ESR2: variants seen among roughly 807,000 people sequenced by gnomAD.
ESR2 encodes the protein estrogen receptor beta.
In ESR2, 36 loss-of-function variants were observed where a neutral mutation model predicts 49.6. The observed-to-expected ratio is 0.73, with a 90% CI of 0.56 to 0.96. The LOEUF (loss-of-function observed/expected upper bound fraction) is 0.96, where lower values mean the gene tolerates loss of function less well. Ranked by LOEUF, ESR2 falls within the 40% of genes least tolerant of loss-of-function variation. ESR2 has a pLI of 0.00. For synonymous variants in ESR2, 320 were observed against 266.1 expected (o/e 1.20, Z -1.97); for missense variants, 714 against 693.0 (o/e 1.03, Z -0.34).
At position 64,268,930 on chromosome 14, in the gene ESR2, G is replaced by GA. The variant is rs747958007; in HGVS notation, c.536-20dup. ...TTATGTCCTATAGCAGAGTGGGAGG[G>GA]AAAAAAAGATTATTGCTATGATCTC... On this transcript the variant is annotated intron_variant, in intron 3 of 8. Coordinates refer to ENST00000341099, the MANE Select transcript of ESR2 (RefSeq NM_001437.3). 2.4e-5 allele frequency: 32 copies of GA among 1,350,668 alleles called. No homozygotes were observed. In the South Asian group the frequency reaches 3.5e-4, roughly 15 times the overall value. 83.7% of individuals were successfully genotyped at this position (1,350,668 alleles called of 1,614,324 possible).
chr14:64,238,414 T>G (rs990102790), intron 7 of ESR2, among the ~76,000 whole-genome samples: 1 of 152,202 alleles, frequency 6.6e-6, no homozygotes, highest in Non-Finnish European at 1.5e-5. Context: ...TGGAGACTCC[T>G]GTTCTCATTG....
intron 7 of ESR2, among the ~76,000 whole-genome samples, chr14:64,245,975 T>C (rs1278200355): frequency 6.6e-6 from 1 of 152,208 alleles, no homozygotes; most frequent in African/African-American, 2.4e-5. Context: ...GCAGCACCTA[T>C]GTGAGGTAAT....
At chr14:64,234,668 C>T (rs1263470590) in intron 8 of ESR2, 8 of 507,628 alleles carry the variant, frequency 1.6e-5, no homozygotes, top group Middle Eastern at 5.2e-4. Context: ...GGTGGCAGTT[C>T]GTGTTAGGGG....
At chr14:64,295,110 T>G (rs1203284961), upstream of ESR2, among the ~76,000 whole-genome samples, 1 of 152,220 alleles carries the variant, frequency 6.6e-6, no homozygotes, top group East Asian at 1.9e-4. Context: ...GGTGCGAGAC[T>G]AGGACCACAG....
chr14:64,266,739 C>T (rs2076337207), intron 4 of ESR2, among the ~76,000 whole-genome samples: 1 of 152,280 alleles, frequency 6.6e-6, no homozygotes. Flanking sequence ...AAAACAAAAA[C>T]AGAGCAAGAA....
chr14:64,308,758 AT>A (rs113592112), intron 1 of ESR2, among the ~76,000 whole-genome samples: 17,198 of 151,974 alleles, frequency 0.11, 1,161 homozygotes, highest in African/African-American at 0.17. Flanking sequence ...TTAAAAGGTC[AT>A]TTATCTTTTG....
intron 1 of ESR2, among the ~76,000 whole-genome samples, chr14:64,286,309 A>T (rs958346091): frequency 3.3e-5 from 5 of 149,904 alleles, no homozygotes; most frequent in South Asian, 4.3e-4. Flanking sequence ...TTTATATTTC[A>T]TTTTTTTTTT....
At chr14:64,275,401 T>TGC (rs1359114933) in intron 3 of ESR2, among the ~76,000 whole-genome samples, 2 of 152,222 alleles carry the variant, frequency 1.3e-5, no homozygotes, top group African/African-American at 2.4e-5. Context: ...TAGCCACTCC[T>TGC]GCTCTTTTTT....
At chr14:64,248,481 G>C (rs970586776) in intron 7 of ESR2, among the ~76,000 whole-genome samples, 4 of 144,104 alleles carry the variant, frequency 2.8e-5, no homozygotes, top group Admixed American at 7.1e-5. Flanking sequence ...CCTCCAGCCT[G>C]GGCAGCAGAG....
At chr14:64,240,443 T>A (rs1209480571) in intron 7 of ESR2, among the ~76,000 whole-genome samples, 1 of 152,216 alleles carries the variant, frequency 6.6e-6, no homozygotes, top group East Asian at 1.9e-4. Flanking sequence ...TGTGATTTGG[T>A]TCCCCGCTTG....
At chr14:64,332,938 G>A (rs1378191647) in intron 1 of ESR2, among the ~76,000 whole-genome samples, 4 of 146,376 alleles carry the variant, frequency 2.7e-5, no homozygotes, top group East Asian at 2.1e-4. Context: ...GGGCAGTGGC[G>A]CGATCTCAGC....
At chr14:64,289,863 GA>G (rs144893592) in intron 1 of ESR2, among the ~76,000 whole-genome samples, 8,740 of 152,194 alleles carry the variant, frequency 0.057, 351 homozygotes, top group Non-Finnish European at 0.082. Flanking sequence ...AAGAATAGAG[GA>G]TAAGTCCTCA....
chr14:64,278,580 G>T (rs549405085), intron 3 of ESR2, among the ~76,000 whole-genome samples: 2 of 152,184 alleles, frequency 1.3e-5, no homozygotes, highest in African/African-American at 4.8e-5. Flanking sequence ...GATAGAAAAA[G>T]GAAGGGAGCT....
At chr14:64,327,605 A>G (rs561664794) in intron 1 of ESR2, among the ~76,000 whole-genome samples, 2 of 152,350 alleles carry the variant, frequency 1.3e-5, no homozygotes, top group East Asian at 3.9e-4. Context: ...CTGAGGCAGG[A>G]GAATTGCTTG....
intron 7 of ESR2, among the ~76,000 whole-genome samples, chr14:64,242,698 G>A (rs1226866694): frequency 6.6e-6 from 1 of 152,010 alleles, no homozygotes; most frequent in Non-Finnish European, 1.5e-5. Context: ...GTTAGTCTGA[G>A]TGTTCTATCA....
rs147449749 is a variant in ESR2 at position 64,229,972 on chromosome 14, A to G, written c.*3165T>C. 2.6e-5 allele frequency among the ~76,000 whole-genome samples: 4 copies of G among 152,234 alleles called. No homozygotes were observed. In the East Asian group the frequency reaches 7.7e-4, roughly 29 times the overall value. On this transcript the variant is annotated 3_prime_UTR_variant, in exon 9 of 9. Transcript: ENST00000341099. Reference sequence around the variant, plus strand: ...GGCAGGCAGATCGCTGGAGCCCAGGAGTTCAGGACCAGCCTGGGGAGCATA... The same window carrying G: ...GGCAGGCAGATCGCTGGAGCCCAGGGGTTCAGGACCAGCCTGGGGAGCATA...
At chr14:64,257,578 A>C (rs1247108810) in intron 5 of ESR2, among the ~76,000 whole-genome samples, 1 of 152,228 alleles carries the variant, frequency 6.6e-6, no homozygotes, top group East Asian at 1.9e-4. Context: ...TTCTAGAGAC[A>C]AATATACTTC....
At chr14:64,287,007 G>A (rs1596460393) in intron 1 of ESR2, among the ~76,000 whole-genome samples, 2 of 151,550 alleles carry the variant, frequency 1.3e-5, no homozygotes, top group South Asian at 2.1e-4. Flanking sequence ...GTGAGTCACC[G>A]TGCCTGGCCT....
chr14:64,251,763 G>A (rs1335685179), intron 6 of ESR2, among the ~76,000 whole-genome samples: 16 of 152,080 alleles, frequency 1.1e-4, no homozygotes, highest in Admixed American at 1.0e-3. Context: ...CATTCAAGGG[G>A]TGGCAAAGTT....
Sources: allele counts gnomAD v4.1 joint callset (sites outside exome capture counted in the v4.1 genomes callset), GRCh38; gene constraint gnomAD v4.1.1; transcripts MANE v1.5; gene names NCBI Gene and HGNC (gene_info 2026-07-23, HGNC 2026-07-21).